The following SYNPR variants were observed in gnomAD, a reference collection of about 807,000 sequenced individuals.
SYNPR encodes synaptoporin.
A neutral mutation model predicts 32.9 loss-of-function variants in SYNPR; 23 were observed. The ratio of observed to expected loss-of-function variants is 0.70; its 90% CI spans 0.50 to 0.99. The LOEUF is 0.99. SYNPR is among the 50% of genes least tolerant of loss of function. The probability of loss-of-function intolerance (pLI) is 0.00; values close to 1 mark genes in which losing one functional copy is unlikely to be tolerated. For synonymous variants in SYNPR, 146 were observed against 135.9 expected (o/e 1.07, Z -0.52); for missense variants, 318 against 349.3 (o/e 0.91, Z 0.71).
intron 2 of SYNPR, among the ~76,000 whole-genome samples, chr3:63,431,627 A>G (rs1292458230): frequency 1.3e-5 from 2 of 152,158 alleles, no homozygotes; most frequent in Non-Finnish European, 2.9e-5. Flanking sequence ...CTATGTGGAG[A>G]GAACAGCATA....
chr3:63,462,205 C>T (rs968357746), intron 2 of SYNPR, among the ~76,000 whole-genome samples: 1 of 152,012 alleles, frequency 6.6e-6, no homozygotes, highest in Admixed American at 6.6e-5. Flanking sequence ...CCAGACAGAC[C>T]CTTCCTCAAA....
At chr3:63,219,988 C>A in the SYNPR span, among the ~76,000 whole-genome samples, 4 of 152,208 alleles carry the variant, frequency 2.6e-5, no homozygotes, top group East Asian at 7.7e-4. Context: ...AAAAAGCCAC[C>A]TTTCTGCTTT....
chr3:63,320,717 G>T (rs895572836), intron 2 of SYNPR, among the ~76,000 whole-genome samples: 1 of 152,046 alleles, frequency 6.6e-6, no homozygotes, highest in African/African-American at 2.4e-5. Context: ...CAGTTCGTTT[G>T]TACATTTCAG....
intron 1 of SYNPR, among the ~76,000 whole-genome samples, chr3:63,239,734 C>A (rs2086226937): frequency 6.6e-6 from 1 of 151,258 alleles, no homozygotes; most frequent in South Asian, 2.1e-4. Context: ...ATTGTCACCC[C>A]TCTTTTTATT....
intron 3 of SYNPR, among the ~76,000 whole-genome samples, chr3:63,271,227 C>T (rs575406251): frequency 3.9e-5 from 6 of 152,198 alleles, no homozygotes; most frequent in Admixed American, 1.3e-4. Flanking sequence ...TGCGTCTTCT[C>T]TGTGTGTGGG....
intron 2 of SYNPR, among the ~76,000 whole-genome samples, chr3:63,416,531 T>TAA (rs60383627): frequency 0.18 from 19,194 of 105,010 alleles, 1,881 homozygotes; most frequent in Admixed American, 0.24. Context: ...GACTCTGTCT[T>TAA]AAAAAAAAAA....
At chr3:63,416,531 TAAAAAAAAAAA>T (rs60383627) in intron 2 of SYNPR, among the ~76,000 whole-genome samples, 1 of 105,338 alleles carries the variant, frequency 9.5e-6, no homozygotes, top group Non-Finnish European at 1.8e-5. Context: ...GACTCTGTCT[TAAAAAAAAAAA>T]AAAAAAAAAA....
At chr3:63,249,296 A>G (rs530258842) in intron 1 of SYNPR, among the ~76,000 whole-genome samples, 1 of 152,244 alleles carries the variant, frequency 6.6e-6, no homozygotes, top group Non-Finnish European at 1.5e-5. Flanking sequence ...AACCCTAGAA[A>G]ATGAAGCTAT....
At chr3:63,371,749 C>T (rs917511013) in intron 2 of SYNPR, among the ~76,000 whole-genome samples, 2 of 152,238 alleles carry the variant, frequency 1.3e-5, no homozygotes, top group East Asian at 3.9e-4. Flanking sequence ...GGACCTCGGA[C>T]TCTAGCACAA....
At chr3:63,343,538 G>A (rs2087397573) in intron 2 of SYNPR, among the ~76,000 whole-genome samples, 1 of 152,166 alleles carries the variant, frequency 6.6e-6, no homozygotes, top group Non-Finnish European at 1.5e-5. Flanking sequence ...TGAACTCCTG[G>A]TAAGGACTGG....
rs139227882 is a variant in SYNPR, at chr3:63,268,504, A to G, written n.287+1055A>G. Among the ~76,000 whole-genome samples the G allele has an allele frequency of 2.6e-5, 4 of 152,330 alleles. No individual in the cohort carries two copies. In the East Asian group the frequency reaches 5.8e-4, roughly 22 times the overall value. ...AAACAATCTATTAACACAAATTTGT[A>G]TGTTAAATATATAATATACTCTATT... On this transcript the variant is annotated intron_variant and non_coding_transcript_variant, in intron 3 of 4. Coordinates refer to the SYNPR transcript ENST00000478456.
At chr3:63,458,786 A>G (rs71298652) in intron 2 of SYNPR, among the ~76,000 whole-genome samples, 3,387 of 152,190 alleles carry the variant, frequency 0.022, 51 homozygotes, top group Non-Finnish European at 0.035. Flanking sequence ...CACTCACCTG[A>G]TTATCTCAAT....
At chr3:63,496,282 T>C (rs985957107) in intron 3 of SYNPR, among the ~76,000 whole-genome samples, 2 of 152,124 alleles carry the variant, frequency 1.3e-5, no homozygotes, top group Non-Finnish European at 2.9e-5. Flanking sequence ...TTGATGTAAA[T>C]ATTATTTTAC....
At chr3:63,346,540 C>T (rs2087439159) in intron 2 of SYNPR, among the ~76,000 whole-genome samples, 2 of 152,058 alleles carry the variant, frequency 1.3e-5, no homozygotes, top group South Asian at 2.1e-4. Flanking sequence ...GGCGTGGTCT[C>T]GGCTCACTGA....
chr3:63,320,215 T>C (rs1206857999), intron 2 of SYNPR, among the ~76,000 whole-genome samples: 2 of 152,044 alleles, frequency 1.3e-5, no homozygotes, highest in African/African-American at 2.4e-5. Context: ...CATCCCCAAG[T>C]GCTAGGATTA....
intron 4 of SYNPR, among the ~76,000 whole-genome samples, chr3:63,578,173 G>A (rs777838618): frequency 1.5e-4 from 23 of 152,166 alleles, no homozygotes; most frequent in Non-Finnish European, 3.1e-4. Flanking sequence ...GTCTTCCCTT[G>A]GGATAGTGTA....
chr3:63,223,358 G>T (rs2086104503), upstream of SYNPR, among the ~76,000 whole-genome samples: 1 of 106,270 alleles, frequency 9.4e-6, no homozygotes. Flanking sequence ...GACATTCATT[G>T]CAAAGCTCCT....
intron 2 of SYNPR, among the ~76,000 whole-genome samples, chr3:63,294,952 T>A (rs1250618500): frequency 2.6e-5 from 4 of 152,162 alleles, no homozygotes; most frequent in Admixed American, 2.6e-4. Context: ...GCACTTGAAA[T>A]TTTAATAATT....
intron 3 of SYNPR, among the ~76,000 whole-genome samples, chr3:63,552,848 AT>A (rs1197634866): frequency 6.6e-6 from 1 of 152,168 alleles, no homozygotes; most frequent in Non-Finnish European, 1.5e-5. Flanking sequence ...GAATTACTTA[AT>A]CTTTCTAAGC....
Sources: allele counts gnomAD v4.1 joint callset (sites outside exome capture counted in the v4.1 genomes callset), GRCh38; gene constraint gnomAD v4.1.1; transcripts MANE v1.5; gene names NCBI Gene and HGNC (gene_info 2026-07-23, HGNC 2026-07-21).